Variants in ARHGAP25 observed in about 807,000 individuals in gnomAD.
ARHGAP25 encodes the protein rho GTPase-activating protein 25.
ARHGAP25 carries 34 observed loss-of-function variants against 71.0 expected under a neutral mutation model. The ratio of observed to expected loss-of-function variants is 0.48; its 90% CI spans 0.36 to 0.64. The LOEUF (loss-of-function observed/expected upper bound fraction) is 0.64. Ranked by LOEUF, ARHGAP25 falls within the 30% of genes least tolerant of loss-of-function variation. ARHGAP25 has a pLI of 0.00. For synonymous variants in ARHGAP25, 282 were observed against 296.5 expected (o/e 0.95, Z 0.50); for missense variants, 706 against 805.1 (o/e 0.88, Z 1.49).
intron 1 of ARHGAP25, among the ~76,000 whole-genome samples, chr2:68,769,353 C>T (rs1677333941): frequency 1.3e-5 from 2 of 152,104 alleles, no homozygotes; most frequent in South Asian, 4.1e-4. Flanking sequence ...TGTCCACTTA[C>T]CCTTACTAAT....
chr2:68,719,985 A>G (rs1286050688), intron 2 of ARHGAP25, among the ~76,000 whole-genome samples: 1 of 152,222 alleles, frequency 6.6e-6, no homozygotes, highest in Non-Finnish European at 1.5e-5. Context: ...TCACTGATCT[A>G]AAGTCCATGC....
intron 2 of ARHGAP25, among the ~76,000 whole-genome samples, chr2:68,729,789 C>T (rs767068202): frequency 9.2e-5 from 14 of 152,152 alleles, no homozygotes; most frequent in Non-Finnish European, 1.2e-4. Flanking sequence ...GCAATTCACC[C>T]ATCAAAGTGT....
At chr2:68,733,613 G>C (rs543837552), upstream of ARHGAP25, among the ~76,000 whole-genome samples, 2 of 152,306 alleles carry the variant, frequency 1.3e-5, no homozygotes, top group East Asian at 3.9e-4. Flanking sequence ...ATTGTACCAA[G>C]AATAAGGTCA....
intron 1 of ARHGAP25, among the ~76,000 whole-genome samples, chr2:68,737,401 A>G (rs1558605181): frequency 6.6e-6 from 1 of 152,196 alleles, no homozygotes; most frequent in Non-Finnish European, 1.5e-5. Context: ...CCTAGATACC[A>G]TTGACATTTG....
intron 8 of ARHGAP25, among the ~76,000 whole-genome samples, 188 bp downstream of exon 8, chr2:68,818,182 AG>A (rs1366338501): frequency 1.3e-5 from 2 of 152,214 alleles, no homozygotes; most frequent in African/African-American, 4.8e-5. Flanking sequence ...ATCACAACAA[AG>A]GACAGAGGTC....
intron 2 of ARHGAP25, 85 bp from the exon 3 acceptor site, chr2:68,782,148 A>G: frequency 8.2e-7 from 1 of 1,221,186 alleles, no homozygotes; most frequent in Non-Finnish European, 1.2e-6. Flanking sequence ...TCCCCATCCC[A>G]TCATTATCCT....
intron 1 of ARHGAP25, among the ~76,000 whole-genome samples, chr2:68,772,503 C>G (rs1263171968): frequency 6.6e-6 from 1 of 152,240 alleles, no homozygotes; most frequent in Non-Finnish European, 1.5e-5. Context: ...GGGGAGAATG[C>G]CTCTGCATCT....
chr2:68,797,823 C>T (rs1374305800), intron 4 of ARHGAP25, among the ~76,000 whole-genome samples: 3 of 152,224 alleles, frequency 2.0e-5, no homozygotes, highest in Admixed American at 6.5e-5. Flanking sequence ...TGCTCTCCTA[C>T]GGCCTGGATT....
intron 9 of ARHGAP25, among the ~76,000 whole-genome samples, chr2:68,822,015 T>C (rs1475635822): frequency 6.6e-6 from 1 of 151,432 alleles, no homozygotes; most frequent in Non-Finnish European, 1.5e-5. Context: ...GTCAAATTTA[T>C]CAAACTTTTA....
At chr2:68,713,521 C>G (rs1288661873) in intron 2 of ARHGAP25, among the ~76,000 whole-genome samples, 1 of 152,140 alleles carries the variant, frequency 6.6e-6, no homozygotes, top group Non-Finnish European at 1.5e-5. Flanking sequence ...TGGCCAGAAC[C>G]TCCGATACTA....
At chr2:68,761,052 T>C (rs1408598062) in intron 1 of ARHGAP25, among the ~76,000 whole-genome samples, 1 of 151,884 alleles carries the variant, frequency 6.6e-6, no homozygotes, top group Non-Finnish European at 1.5e-5. Context: ...AGAATAGATG[T>C]AGAGGTCACA....
At chr2:68,714,413 TG>T (rs1386347089) in intron 2 of ARHGAP25, among the ~76,000 whole-genome samples, 1 of 152,204 alleles carries the variant, frequency 6.6e-6, no homozygotes, top group Non-Finnish European at 1.5e-5. Flanking sequence ...CTATGTATTT[TG>T]TTAATCTTTT....
At chr2:68,779,711 A>G (rs1678183622) in intron 2 of ARHGAP25, among the ~76,000 whole-genome samples, 1 of 152,186 alleles carries the variant, frequency 6.6e-6, no homozygotes, top group African/African-American at 2.4e-5. Context: ...CTGTCCTTCC[A>G]TCTTTATACA....
At chr2:68,712,905 A>G (rs1674521079) in intron 2 of ARHGAP25, among the ~76,000 whole-genome samples, 1 of 152,126 alleles carries the variant, frequency 6.6e-6, no homozygotes, top group South Asian at 2.1e-4. Context: ...TGTTTTGGTT[A>G]CTGTAGCCTT....
chr2:68,800,536 T>G (rs1344257417), intron 4 of ARHGAP25, among the ~76,000 whole-genome samples: 4 of 152,010 alleles, frequency 2.6e-5, no homozygotes, highest in Admixed American at 6.6e-5. Flanking sequence ...GAACATGGTA[T>G]GAGGGGAGGT....
chr2:68,816,158 A>G lies in ARHGAP25; in HGVS notation c.808-131A>G, dbSNP rs1197098248. 5.1e-6 allele frequency: 4 copies of G among 789,700 alleles called. No homozygotes were observed. In the South Asian group the frequency reaches 5.6e-5, roughly 11 times the overall value. 48.9% of individuals were successfully genotyped at this position (789,700 alleles called of 1,614,324 possible). ...TTTTTTTTTTTAAACCCACAGAACT[A>G]CAGGAACAGGAATGACTGCCAAAGT... On this transcript the variant is annotated intron_variant, in intron 6 of 10. Transcript: ENST00000409202.
At chr2:68,760,002 A>G (rs545072002) in intron 1 of ARHGAP25, among the ~76,000 whole-genome samples, 1 of 152,164 alleles carries the variant, frequency 6.6e-6, no homozygotes, top group South Asian at 2.1e-4. Flanking sequence ...ACCAAATGGG[A>G]TTTATTCTTG....
rs1213818313 is a variant in ARHGAP25 at position 68,759,387 on chromosome 2, T to C, written c.62-15834T>C. ...AGATTCAAATTACTAAATTCAGAAA[T>C]GAAAGTGAGGGTATTACCACCTATT... On this transcript the variant is annotated intron_variant, in intron 1 of 10. Coordinates refer to ENST00000409202, the MANE Select transcript of ARHGAP25 (RefSeq NM_001007231.3). Among the ~76,000 whole-genome samples the C allele has an allele frequency of 4.0e-5, 6 of 150,284 alleles. No homozygotes were observed. The East Asian group carries it at 1.2e-3, about 29-fold the overall frequency.
At chr2:68,813,941 C>G (rs1000727200) in intron 6 of ARHGAP25, among the ~76,000 whole-genome samples, 1 of 152,168 alleles carries the variant, frequency 6.6e-6, no homozygotes, top group Non-Finnish European at 1.5e-5. Context: ...CACAAGTTCA[C>G]TAACAAGATT....
Sources: allele counts gnomAD v4.1 joint callset (sites outside exome capture counted in the v4.1 genomes callset), GRCh38; gene constraint gnomAD v4.1.1; transcripts MANE v1.5; gene names NCBI Gene and HGNC (gene_info 2026-07-23, HGNC 2026-07-21).